GPR158: variants seen among roughly 807,000 people sequenced by gnomAD.
GPR158 encodes G protein-coupled receptor 158, also known as metabotropic glycine receptor.
In GPR158, 30 loss-of-function variants were observed where a neutral mutation model predicts 78.2. The observed-to-expected ratio is 0.38, with a 90% confidence interval of 0.29 to 0.52. The LOEUF is 0.52. Among genes scored for constraint, GPR158 ranks in the 20% least tolerant of loss-of-function variants. The pLI, the probability that GPR158 is intolerant of heterozygous loss-of-function variation, is 0.83. For missense variants in GPR158, 1,463 were observed against 1,523.5 expected (o/e 0.96, Z 0.66); for synonymous variants, 581 against 591.1 (o/e 0.98, Z 0.25).
intron 2 of GPR158, among the ~76,000 whole-genome samples, chr10:25,376,681 G>T (rs1253312850): frequency 1.3e-5 from 2 of 151,582 alleles, no homozygotes; most frequent in African/African-American, 4.8e-5. Flanking sequence ...GTATTGGTCT[G>T]CTGCTAAAAA....
chr10:25,466,848 CTCT>C, intron 5 of GPR158, 129 bp downstream of exon 5: 1 of 474,414 alleles, frequency 2.1e-6, no homozygotes, highest in Non-Finnish European at 3.7e-6. Context: ...GAGGTTTTGG[CTCT>C]TGTCTTACTT....
intron 2 of GPR158, among the ~76,000 whole-genome samples, chr10:25,317,217 T>C (rs1854867945): frequency 6.6e-6 from 1 of 151,790 alleles, no homozygotes; most frequent in Non-Finnish European, 1.5e-5. Context: ...GCTAATTTTT[T>C]TTGTATTTTT....
chr10:25,303,957 T>C (rs1239475954), intron 2 of GPR158, among the ~76,000 whole-genome samples: 3 of 152,106 alleles, frequency 2.0e-5, no homozygotes, highest in African/African-American at 7.2e-5. Context: ...CCATCCCTGG[T>C]GAGAAGTGAT....
intron 5 of GPR158, among the ~76,000 whole-genome samples, chr10:25,536,652 A>G (rs1030321326): frequency 3.3e-5 from 5 of 152,192 alleles, no homozygotes; most frequent in African/African-American, 7.2e-5. Flanking sequence ...CAAATATCTT[A>G]GCTGATAAAC....
At chr10:25,311,421 T>G (rs1041745958) in intron 2 of GPR158, among the ~76,000 whole-genome samples, 1 of 151,976 alleles carries the variant, frequency 6.6e-6, no homozygotes, top group Non-Finnish European at 1.5e-5. Flanking sequence ...CTATTTTCTA[T>G]TTTTTATTGT....
At chr10:25,220,147 A>C (rs1052007054) in intron 1 of GPR158, among the ~76,000 whole-genome samples, 1 of 152,198 alleles carries the variant, frequency 6.6e-6, no homozygotes, top group Non-Finnish European at 1.5e-5. Flanking sequence ...ACTTTACTTA[A>C]GTTTATGAAA....
At chr10:25,177,028 C>A (rs992263265) in intron 1 of GPR158, among the ~76,000 whole-genome samples, 1 of 152,100 alleles carries the variant, frequency 6.6e-6, no homozygotes, top group African/African-American at 2.4e-5. Context: ...TCTTCCCTGT[C>A]TTAGGCATAC....
chr10:25,314,720 T>G (rs1028935210), intron 2 of GPR158, among the ~76,000 whole-genome samples: 1 of 150,696 alleles, frequency 6.6e-6, no homozygotes, highest in African/African-American at 2.4e-5. Context: ...CAAACGTGTT[T>G]AAGACTATAA....
At chr10:25,344,838 A>G (rs926776074) in intron 2 of GPR158, among the ~76,000 whole-genome samples, 1 of 151,948 alleles carries the variant, frequency 6.6e-6, no homozygotes, top group Non-Finnish European at 1.5e-5. Flanking sequence ...ACAGTTCTAG[A>G]GCCTGGAAGT....
intron 4 of GPR158, among the ~76,000 whole-genome samples, chr10:25,455,402 T>G (rs200365711): frequency 6.6e-6 from 1 of 152,112 alleles, no homozygotes; most frequent in Non-Finnish European, 1.5e-5. Flanking sequence ...AACTTTTTTT[T>G]CTAACGTTTG....
intron 1 of GPR158, among the ~76,000 whole-genome samples, chr10:25,207,005 G>A (rs974487053): frequency 5.3e-5 from 8 of 151,750 alleles, no homozygotes; most frequent in African/African-American, 1.5e-4. Flanking sequence ...CGGGGGAAAT[G>A]CAAAGAGCCC....
intron 5 of GPR158, among the ~76,000 whole-genome samples, chr10:25,486,044 C>T (rs1315694627): frequency 1.3e-5 from 2 of 152,118 alleles, no homozygotes; most frequent in African/African-American, 4.8e-5. Context: ...CCTTGTCAGA[C>T]ACCAAATCTA....
chr10:25,325,463 A>G (rs1417105445), intron 2 of GPR158, among the ~76,000 whole-genome samples: 3 of 90,666 alleles, frequency 3.3e-5, no homozygotes, highest in African/African-American at 3.7e-5. Flanking sequence ...AAGTATATAT[A>G]TAATTACACA....
At chr10:25,237,614 T>G (rs551448374) in intron 2 of GPR158, among the ~76,000 whole-genome samples, 1 of 152,308 alleles carries the variant, frequency 6.6e-6, no homozygotes, top group East Asian at 1.9e-4. Flanking sequence ...AATTGACTAG[T>G]GATTATTCTC....
intron 4 of GPR158, among the ~76,000 whole-genome samples, chr10:25,437,186 A>G (rs1476177144): frequency 6.6e-6 from 1 of 152,138 alleles, no homozygotes; most frequent in Non-Finnish European, 1.5e-5. Flanking sequence ...TCTTTATTAC[A>G]TTTAGGAAAA....
At chr10:25,336,804 A>G (rs1249982496) in intron 2 of GPR158, among the ~76,000 whole-genome samples, 1 of 152,078 alleles carries the variant, frequency 6.6e-6, no homozygotes, top group African/African-American at 2.4e-5. Context: ...TGTGTCCTGG[A>G]AGATGGTGCT....
intron 4 of GPR158, among the ~76,000 whole-genome samples, chr10:25,444,783 A>G (rs1011195441): frequency 6.6e-6 from 1 of 152,122 alleles, no homozygotes; most frequent in African/African-American, 2.4e-5. Context: ...TAAGAATCCC[A>G]TTTATAATAT....
chr10:25,356,616 A>G (rs34573334), intron 2 of GPR158, among the ~76,000 whole-genome samples: 15,110 of 152,020 alleles, frequency 0.099, 1,846 homozygotes, highest in African/African-American at 0.3. Context: ...GAGTTTCCCT[A>G]CACAAGCTCC....
In GPR158 at chr10:25,598,273, C is replaced by T. The variant is rs1837438929; in HGVS notation, c.2647C>T (p.His883Tyr). The change falls in exon 11 of 11, where the codon CAC (histidine) becomes TAC (tyrosine). Residue 883 changes from histidine to tyrosine, a missense_variant. Physicochemically the swap from His to Tyr is moderately conservative, Grantham distance 83. Coordinates refer to ENST00000376351, the MANE Select transcript of GPR158 (RefSeq NM_020752.3). ...VPLVCKSASA[H>Y]NLSSEKKTGH... Reference sequence around the variant, plus strand: ...GTTGGTGTGCAAGTCAGCAAGCGCTCACAACCTCAGCTCAGAGAAGAAAAC... The same window carrying T: ...GTTGGTGTGCAAGTCAGCAAGCGCTTACAACCTCAGCTCAGAGAAGAAAAC... 6.2e-7 allele frequency: 1 copy of T among 1,613,904 alleles called. No individual in the cohort carries two copies. The highest frequency in any genetic ancestry group is 1.1e-5 in the South Asian group (1 of 91,064).
Sources: allele counts gnomAD v4.1 joint callset (sites outside exome capture counted in the v4.1 genomes callset), GRCh38; gene constraint gnomAD v4.1.1; transcripts MANE v1.5; gene names NCBI Gene and HGNC (gene_info 2026-07-23, HGNC 2026-07-21).